The following CLINT1 variants were observed in gnomAD, a reference collection of about 807,000 sequenced individuals.
The protein encoded by CLINT1 is clathrin interactor 1, also known as clathrin interacting protein localized in the trans-Golgi region.
CLINT1 carries 15 observed loss-of-function variants against 70.4 expected under a neutral mutation model. The observed-to-expected ratio is 0.21, with a 90% confidence interval of 0.14 to 0.33. The LOEUF (loss-of-function observed/expected upper bound fraction) is 0.33. Among genes scored for constraint, CLINT1 ranks in the 10% least tolerant of loss-of-function variants. The probability of loss-of-function intolerance (pLI) is 1.00; values close to 1 mark genes in which losing one functional copy is unlikely to be tolerated. For missense variants in CLINT1, 615 were observed against 778.1 expected, an observed-to-expected ratio of 0.79 and a Z score of 2.49; for synonymous variants, 227 against 254.7, an observed-to-expected ratio of 0.89 and a Z score of 1.04.
intron 8 of CLINT1, among the ~76,000 whole-genome samples, chr5:157,801,269 G>A (rs576085011): frequency 5.9e-5 from 9 of 151,688 alleles, no homozygotes; most frequent in African/African-American, 2.2e-4. Context: ...CACTTTGGGA[G>A]GCCAAAACAG....
chr5:157,818,215 G>A (rs1762779082), intron 1 of CLINT1, among the ~76,000 whole-genome samples: 1 of 152,044 alleles, frequency 6.6e-6, no homozygotes, highest in Non-Finnish European at 1.5e-5. Flanking sequence ...GATCAAGAAC[G>A]TGGGCCTCAG....
chr5:157,809,909 C>T, intron 5 of CLINT1, 104 bp from the exon 6 acceptor site: 1 of 1,146,234 alleles, frequency 8.7e-7, no homozygotes, highest in East Asian at 2.5e-5. Flanking sequence ...AAATCATTTT[C>T]AAAGGAAAAC....
chr5:157,830,796 C>CTCTCTCTCTCTATATA (rs1300619885), intron 1 of CLINT1, among the ~76,000 whole-genome samples: 3 of 85,720 alleles, frequency 3.5e-5, no homozygotes, highest in African/African-American at 1.5e-4. Flanking sequence ...CTCTCTCTCT[C>CTCTCTCTCTCTATATA]TATATATATA....
chr5:157,853,337 C>T (rs1447654329), intron 1 of CLINT1, among the ~76,000 whole-genome samples: 1 of 149,540 alleles, frequency 6.7e-6, no homozygotes, highest in African/African-American at 2.5e-5. Flanking sequence ...AGCAAGACTC[C>T]ATCTCAAGAA....
rs572222486 is a variant in CLINT1, at chr5:157,803,639, T to A, written c.1012+11A>T. 1 of 1,484,148 alleles carries A rather than the reference T, an allele frequency of 6.7e-7. No homozygotes were observed. Among genetic ancestry groups the A allele is most frequent in the South Asian group, 1.5e-5 (1 of 67,140 alleles). 91.9% of individuals were successfully genotyped at this position (1,484,148 alleles called of 1,614,324 possible). Reference sequence around the variant, plus strand: ...CTCAAACCAAAAGAAAAGGCCAATGTAGAAGCTTACCTGTTGACTGGCTGG... The same window carrying A: ...CTCAAACCAAAAGAAAAGGCCAATGAAGAAGCTTACCTGTTGACTGGCTGG... On this transcript the variant is annotated intron_variant, in intron 8 of 11. Coordinates refer to ENST00000411809, the MANE Select transcript of CLINT1 (RefSeq NM_014666.4).
At chr5:157,799,016 A>C (rs1235328296) in intron 8 of CLINT1, among the ~76,000 whole-genome samples, 1 of 152,102 alleles carries the variant, frequency 6.6e-6, no homozygotes, top group African/African-American at 2.4e-5. Flanking sequence ...AACCCAAACA[A>C]ATGAAAAGTC....
intron 1 of CLINT1, among the ~76,000 whole-genome samples, chr5:157,822,080 T>C (rs1306700293): frequency 6.6e-6 from 1 of 152,176 alleles, no homozygotes; most frequent in East Asian, 1.9e-4. Context: ...CACCCAAATC[T>C]CATCTTGAAT....
rs1402435757 is a variant in CLINT1, at chr5:157,813,317, C to G, written c.353-90G>C. The stretch of plus-strand genomic sequence containing the variant: ...GATTAAAAAAAAGACACAAAAACTT[C>G]AACATAAGAAACTTCAATATTTAAA... On this transcript the variant is annotated intron_variant, in intron 4 of 11. Coordinates refer to ENST00000411809, the MANE Select transcript of CLINT1 (RefSeq NM_014666.4). 1.8e-5 allele frequency: 21 copies of G among 1,191,956 alleles called. No homozygotes were observed. The South Asian group carries it at 2.3e-4, about 13-fold the overall frequency. 73.8% of individuals were successfully genotyped at this position (1,191,956 alleles called of 1,614,324 possible).
intron 1 of CLINT1, among the ~76,000 whole-genome samples, chr5:157,847,596 T>TGAGG (rs1449357113): frequency 6.6e-6 from 1 of 152,106 alleles, no homozygotes; most frequent in African/African-American, 2.4e-5. Context: ...TGGATCACTT[T>TGAGG]GAGGGGTTCA....
chr5:157,805,694 G>T (rs935979656), intron 7 of CLINT1, among the ~76,000 whole-genome samples, 172 bp downstream of exon 7: 1 of 152,084 alleles, frequency 6.6e-6, no homozygotes, highest in Non-Finnish European at 1.5e-5. Flanking sequence ...AATTGGACAG[G>T]TTTCTCCCCT....
intron 1 of CLINT1, among the ~76,000 whole-genome samples, chr5:157,851,486 C>T (rs1455402671): frequency 1.3e-5 from 2 of 151,866 alleles, no homozygotes; most frequent in Admixed American, 6.6e-5. Flanking sequence ...CTCAGGAGTT[C>T]GAGACCAGCC....
intron 6 of CLINT1, 55 bp from the exon 7 acceptor site, chr5:157,806,167 G>T: frequency 6.4e-7 from 1 of 1,558,586 alleles, no homozygotes; most frequent in Non-Finnish European, 8.7e-7. Flanking sequence ...TTTAAAATGG[G>T]TCCCTCAGTG....
chr5:157,819,005 T>TA (rs1762802561), intron 1 of CLINT1, among the ~76,000 whole-genome samples: 1 of 152,220 alleles, frequency 6.6e-6, no homozygotes. Flanking sequence ...GGTTAACTAT[T>TA]ACATGCATAT....
chr5:157,816,669 A>G (rs1762732315), intron 3 of CLINT1, 65 bp downstream of exon 3: 2 of 1,109,364 alleles, frequency 1.8e-6, no homozygotes, highest in East Asian at 2.4e-5. Flanking sequence ...CTATGTATAT[A>G]CACCTTCAAT....
At chr5:157,836,255 C>CT (rs1052623897) in intron 1 of CLINT1, among the ~76,000 whole-genome samples, 4 of 152,216 alleles carry the variant, frequency 2.6e-5, no homozygotes, top group Non-Finnish European at 5.9e-5. Context: ...CCTAACAACT[C>CT]TATGAGGCAG....
At chr5:157,818,936 T>C (rs185760881) in intron 1 of CLINT1, among the ~76,000 whole-genome samples, 2 of 152,328 alleles carry the variant, frequency 1.3e-5, no homozygotes, top group East Asian at 3.8e-4. Flanking sequence ...TCTGTGAATA[T>C]GGTAATTCAA....
At chr5:157,792,573 A>C (rs1337838677) in intron 9 of CLINT1, among the ~76,000 whole-genome samples, 4 of 152,118 alleles carry the variant, frequency 2.6e-5, no homozygotes, top group Non-Finnish European at 5.9e-5. Flanking sequence ...TTTCTCACTT[A>C]TTTGGCCATA....
chr5:157,851,680 C>T (rs28698334), intron 1 of CLINT1, among the ~76,000 whole-genome samples: 63,871 of 140,616 alleles, frequency 0.45, 14,661 homozygotes, highest in Non-Finnish European at 0.5. Context: ...GAGCAAGACC[C>T]CGTCTCAAAA....
At chr5:157,851,232 TTGAA>T (rs1243446070) in intron 1 of CLINT1, among the ~76,000 whole-genome samples, 1 of 152,252 alleles carries the variant, frequency 6.6e-6, no homozygotes, top group African/African-American at 2.4e-5. Context: ...ATGAGAATTC[TTGAA>T]TGAAACATTT....
Sources: allele counts gnomAD v4.1 joint callset (sites outside exome capture counted in the v4.1 genomes callset), GRCh38; gene constraint gnomAD v4.1.1; transcripts MANE v1.5; gene names NCBI Gene and HGNC (gene_info 2026-07-23, HGNC 2026-07-21).